The following FAM210A variants were observed in gnomAD, a reference collection of about 807,000 sequenced individuals.
The protein encoded by FAM210A is mitochondrial inner membrane scaffold 1, also known as family with sequence similarity 210 member A.
Under a neutral mutation model 25.3 loss-of-function variants are expected in FAM210A, and 13 were observed. The observed-to-expected ratio is 0.51, with a 90% confidence interval of 0.33 to 0.82. The LOEUF (loss-of-function observed/expected upper bound fraction) is 0.82, where lower values mean the gene tolerates loss of function less well. Ranked by LOEUF, FAM210A falls within the 40% of genes least tolerant of loss-of-function variation. The probability of loss-of-function intolerance (pLI) is 0.02; values close to 1 mark genes in which losing one functional copy is unlikely to be tolerated. For synonymous variants in FAM210A, 125 were observed against 118.7 expected, an observed-to-expected ratio of 1.05 and a Z score of -0.35; for missense variants, 319 against 323.2, an observed-to-expected ratio of 0.99 and a Z score of 0.10.
rs545978020 is a variant in FAM210A at position 13,670,497 on chromosome 18, A to G, written c.585+1365T>C. Among the ~76,000 whole-genome samples, 101 of 152,334 alleles carry G rather than the reference A, an allele frequency of 6.6e-4. 1 individual carries two copies. Among genetic ancestry groups the G allele is most frequent in the African/African-American group, 2.3e-3 (96 of 41,564 alleles). On this transcript the variant is annotated intron_variant, in intron 3 of 3. Transcript: ENST00000651643. ...TGCTACTTTTGAGTAATGCTGTAAAACTGTAATTCTTAGATATTCTTATAC... is the reference window on the plus strand; with the variant it reads ...TGCTACTTTTGAGTAATGCTGTAAAGCTGTAATTCTTAGATATTCTTATAC...
chr18:13,666,347 T>C lies in FAM210A; in HGVS notation c.*133A>G. 1 of 666,404 alleles carries C rather than the reference T, an allele frequency of 1.5e-6. No individual in the cohort carries two copies. Among genetic ancestry groups the C allele is most frequent in the East Asian group, 2.7e-5 (1 of 36,684 alleles). The allele number at this position is 666,404 out of a possible 1,614,324, so 41.3% of individuals were successfully genotyped here. A position where few individuals can be genotyped will look rare whatever the true frequency, so the allele number is the denominator to read the frequency against. The stretch of plus-strand genomic sequence containing the variant: ...TGATATTTAACTTTAAAAAGGTATT[T>C]TACTTCTTTAACCCTCAGAGAACTA... On this transcript the variant is annotated 3_prime_UTR_variant, in exon 4 of 4. Coordinates refer to ENST00000651643, the MANE Select transcript of FAM210A (RefSeq NM_152352.4).
intron 1 of FAM210A, among the ~76,000 whole-genome samples, chr18:13,692,691 G>C (rs1601954527): frequency 6.6e-6 from 1 of 152,088 alleles, no homozygotes; most frequent in Non-Finnish European, 1.5e-5. Flanking sequence ...GATGTTCTTT[G>C]AAACCAATGA....
At chr18:13,677,381 C>T (rs117893938) in intron 2 of FAM210A, among the ~76,000 whole-genome samples, 7 of 152,092 alleles carry the variant, frequency 4.6e-5, no homozygotes, top group Admixed American at 3.9e-4. Context: ...GCCCCTGTCC[C>T]GCTTAAGGGC....
chr18:13,681,002 G>A (rs916410515), intron 2 of FAM210A, among the ~76,000 whole-genome samples: 1 of 152,076 alleles, frequency 6.6e-6, no homozygotes, highest in Non-Finnish European at 1.5e-5. Context: ...CTGGACTTGG[G>A]TAATATCAAT....
At chr18:13,706,587 C>T (rs2043779823) in intron 1 of FAM210A, among the ~76,000 whole-genome samples, 1 of 152,196 alleles carries the variant, frequency 6.6e-6, no homozygotes, top group African/African-American at 2.4e-5. Flanking sequence ...GAGGCCTTCA[C>T]TCTTCTAGAA....
rs368496533 is a variant in FAM210A at position 13,681,688 on chromosome 18, A to G, written c.390T>C (p.Phe130=). The G allele has an allele frequency of 6.2e-6, 10 of 1,614,232 alleles. No homozygotes were observed. The highest frequency in any genetic ancestry group is 1.3e-5 in the African/African-American group (1 of 75,062). ...ISLYQRFKKT[F]RQYGKVLIPV... is the part of the protein sequence containing the mutation. ...GAATCAGAACTTTTCCATACTGTCTAAATGTCTTCTTGAATCGTTGATAAA... is the reference window on the plus strand; with the variant it reads ...GAATCAGAACTTTTCCATACTGTCTGAATGTCTTCTTGAATCGTTGATAAA... The change falls in exon 2 of 4, where the codon TTT becomes TTC. Residue 130 remains phenylalanine, a synonymous_variant. Transcript: ENST00000651643.
intron 1 of FAM210A, among the ~76,000 whole-genome samples, chr18:13,719,590 C>T (rs1217100078): frequency 6.6e-6 from 1 of 152,144 alleles, no homozygotes; most frequent in Non-Finnish European, 1.5e-5. Context: ...AAAGCCCAGC[C>T]ACCCTTTCAC....
At chr18:13,706,233 G>T (rs1231861524) in intron 1 of FAM210A, among the ~76,000 whole-genome samples, 1 of 152,020 alleles carries the variant, frequency 6.6e-6, no homozygotes, top group Non-Finnish European at 1.5e-5. Flanking sequence ...GAAAAAGATG[G>T]CATCCTTGAT....
rs146754346 is a variant in FAM210A, at chr18:13,665,014, G to A, written c.*1466C>T. The A allele has an allele frequency of 6.7e-3, 1,031 of 152,918 alleles. 10 individuals carry two copies. The highest frequency in any genetic ancestry group is 0.024 in the South Asian group (114 of 4,822). 9.5% of individuals were successfully genotyped at this position (152,918 alleles called of 1,614,324 possible). A position where few individuals can be genotyped will look rare whatever the true frequency, so the allele number is the denominator to read the frequency against. ...AAACACACCCCACCAGCCCCGCAAC[G>A]CTCACAGCTGACAACGGCTGAATTT... is the stretch of plus-strand genomic sequence containing the variant. On this transcript the variant is annotated 3_prime_UTR_variant, in exon 4 of 4. Coordinates refer to ENST00000651643, the MANE Select transcript of FAM210A (RefSeq NM_152352.4).
chr18:13,715,717 G>T (rs1221916257), intron 1 of FAM210A, among the ~76,000 whole-genome samples: 1 of 152,170 alleles, frequency 6.6e-6, no homozygotes, highest in African/African-American at 2.4e-5. Flanking sequence ...ATGGAAAAAA[G>T]TATATTTTTA....
At chr18:13,716,541 C>G (rs2043863395) in intron 1 of FAM210A, among the ~76,000 whole-genome samples, 2 of 152,124 alleles carry the variant, frequency 1.3e-5, no homozygotes, top group Non-Finnish European at 2.9e-5. Context: ...TTCCAGCAGC[C>G]ACTCTGTAAC....
chr18:13,673,538 T>G (rs79398721), intron 2 of FAM210A, among the ~76,000 whole-genome samples: 45,821 of 146,240 alleles, frequency 0.31, 7,526 homozygotes, highest in East Asian at 0.76. Flanking sequence ...TTCCTGATTA[T>G]TAACATTCCT....
intron 1 of FAM210A, among the ~76,000 whole-genome samples, chr18:13,693,920 T>A (rs2043670589): frequency 6.6e-6 from 1 of 152,168 alleles, no homozygotes; most frequent in African/African-American, 2.4e-5. Flanking sequence ...GGTATTCAAT[T>A]AGGAAAAGAG....
chr18:13,698,952 C>G (rs758169478), intron 1 of FAM210A, among the ~76,000 whole-genome samples: 1 of 152,154 alleles, frequency 6.6e-6, no homozygotes, highest in Non-Finnish European at 1.5e-5. Flanking sequence ...CCCTCTTTCT[C>G]TGTGTGTGTG....
chr18:13,702,257 C>T (rs2043746759), intron 1 of FAM210A, among the ~76,000 whole-genome samples: 1 of 152,216 alleles, frequency 6.6e-6, no homozygotes, highest in African/African-American at 2.4e-5. Flanking sequence ...ATCACTATCT[C>T]TTGTAAAGTT....
intron 1 of FAM210A, among the ~76,000 whole-genome samples, chr18:13,685,759 A>C (rs1031334371): frequency 6.6e-6 from 1 of 152,144 alleles, no homozygotes; most frequent in Admixed American, 6.5e-5. Flanking sequence ...TGTTCTCAGA[A>C]CTTCTTGAGA....
At chr18:13,682,500 G>A (rs1601947812) in intron 1 of FAM210A, among the ~76,000 whole-genome samples, 1 of 152,156 alleles carries the variant, frequency 6.6e-6, no homozygotes, top group Non-Finnish European at 1.5e-5. Flanking sequence ...CCCGGGAAGC[G>A]GAGGGTGCAG....
chr18:13,679,641 GTAGTGGTGGTC>G (rs2043533968), intron 2 of FAM210A, among the ~76,000 whole-genome samples: 1 of 152,206 alleles, frequency 6.6e-6, no homozygotes, highest in Admixed American at 6.5e-5. Flanking sequence ...TGGCGGGGCA[GTAGTGGTGGTC>G]TAGCAACCCG....
chr18:13,676,272 C>G (rs2043500293), intron 2 of FAM210A, among the ~76,000 whole-genome samples: 2 of 102,936 alleles, frequency 1.9e-5, no homozygotes, highest in Non-Finnish European at 4.7e-5. Flanking sequence ...TCTTTATTTC[C>G]AGTTTCCTGA....
Sources: gnomAD v4.1 joint callset for allele counts (sites outside exome capture counted in the v4.1 genomes callset) on GRCh38, gnomAD v4.1.1 for gene constraint, MANE v1.5 for transcripts, NCBI Gene and HGNC (gene_info 2026-07-23, HGNC 2026-07-21) for gene names.